Variants in RAI1 observed in about 807,000 individuals in gnomAD.
RAI1 encodes the protein retinoic acid-induced protein 1.
RAI1 carries 9 observed loss-of-function variants against 123.8 expected under a neutral mutation model. That is an observed-to-expected ratio of 0.07 (90% CI 0.04 to 0.13). RAI1 has a LOEUF of 0.13. RAI1 is among the 10% of genes least tolerant of loss of function. The probability of loss-of-function intolerance (pLI) is 1.00; values close to 1 mark genes in which losing one functional copy is unlikely to be tolerated. For missense variants in RAI1, 2,256 were observed against 2,545.8 expected (o/e 0.89, Z 2.45); for synonymous variants, 1,231 against 1,127.3 (o/e 1.09, Z -1.84).
At position 17,796,021 on chromosome 17, in the gene RAI1, T is replaced by C; in HGVS notation, c.3073T>C (p.Leu1025=). 3 of 1,593,586 alleles carry C rather than the reference T, an allele frequency of 1.9e-6. No individual in the cohort carries two copies. The highest frequency in any genetic ancestry group is 2.3e-5 in the South Asian group (2 of 88,694). The change falls in exon 3 of 6, where the codon TTG becomes CTG. Residue 1025 remains leucine (L), a synonymous_variant. Coordinates refer to ENST00000353383, the MANE Select transcript of RAI1 (RefSeq NM_030665.4). This position sits in a 1 kb window ranked among gnomAD's most constrained non-coding sequence, Gnocchi z 5.8. ...CRAPVLPKDL[L]LPESCTGPPQ... is the part of the protein sequence containing the mutation. ...GGCACCAGTGCTGCCCAAAGACCTC[T>C]TGCTCCCTGAATCCTGCACAGGGCC...
chr17:17,779,808 G>A (rs1310058714), intron 2 of RAI1, among the ~76,000 whole-genome samples: 3 of 120,378 alleles, frequency 2.5e-5, no homozygotes, highest in South Asian at 2.7e-4. Flanking sequence ...ACGGAGTCTC[G>A]CCCTTGCCCA....
In RAI1 at chr17:17,795,512, T is replaced by C. The variant is rs1295827030; in HGVS notation, c.2564T>C (p.Leu855Pro). The C allele has an allele frequency of 6.3e-7, 1 of 1,592,992 alleles. No individual in the cohort carries two copies. The highest frequency in any genetic ancestry group is 8.5e-7 in the Non-Finnish European group (1 of 1,169,904). The change falls in exon 3 of 6, where the codon CTG (leucine) becomes CCG (proline). Residue 855 changes from leucine (L) to proline (P), a missense_variant. Leu to Pro is a moderately conservative substitution (Grantham distance 98). Transcript: ENST00000353383. The surrounding 1 kb of genome is among the most constrained non-coding windows in gnomAD (Gnocchi z 5.9). Reference sequence around the variant, plus strand: ...ACCGCCGACTTCGGGGACCTCCCACTGCTGCCACCCACCAGCAGGAAGGAG... The same window carrying C: ...ACCGCCGACTTCGGGGACCTCCCACCGCTGCCACCCACCAGCAGGAAGGAG... ...CSTADFGDLP[L>P]LPPTSRKEDL...
Position 17,795,986 on chromosome 17 carries a change from C to T in RAI1, c.3038C>T (p.Ser1013Phe), listed in dbSNP as rs2143002493. ...CGGGGGCTGCCCGAGGCCGAGGACTCCCCATGCAGGGCACCAGTGCTGCCC... is the reference window on the plus strand; with the variant it reads ...CGGGGGCTGCCCGAGGCCGAGGACTTCCCATGCAGGGCACCAGTGCTGCCC... ...VHRGLPEAED[S>F]PCRAPVLPKD... The change falls in exon 3 of 6, where the codon TCC (serine) becomes TTC (phenylalanine). Residue 1013 changes from serine (S) to phenylalanine (F), a missense_variant. Coordinates refer to ENST00000353383, the MANE Select transcript of RAI1 (RefSeq NM_030665.4). The surrounding 1 kb of genome is among the most constrained non-coding windows in gnomAD (Gnocchi z 5.9). 6.2e-7 allele frequency: 1 copy of T among 1,600,268 alleles called. No homozygotes were observed. Among genetic ancestry groups the T allele is most frequent in the East Asian group, 2.3e-5 (1 of 44,406 alleles).
Position 17,797,195 on chromosome 17 carries a change from A to G in RAI1, c.4247A>G (p.Lys1416Arg). The G allele has an allele frequency of 6.2e-7, 1 of 1,613,894 alleles. No homozygotes were observed. Among genetic ancestry groups the G allele is most frequent in the African/African-American group, 1.3e-5 (1 of 75,060 alleles). Reference sequence around the variant, plus strand: ...TTAAAAGGCAAACTCATGAACAGTAAGAAACTGTCTTCTACTGACTGTTTC... The same window carrying G: ...TTAAAAGGCAAACTCATGAACAGTAGGAAACTGTCTTCTACTGACTGTTTC... ...RSLKGKLMNS[K>R]KLSSTDCFKT... Residue 1416 changes from lysine (K) to arginine (R), a missense_variant, in exon 3 of 6, where the codon AAG becomes AGG. Coordinates refer to ENST00000353383, the MANE Select transcript of RAI1 (RefSeq NM_030665.4).
Position 17,800,180 on chromosome 17 carries a change from G to GTCTCTCTCTCTCTC in RAI1, c.5565+1702_5565+1715dup, listed in dbSNP as rs58147049. 1.7e-3 allele frequency among the ~76,000 whole-genome samples: 198 copies of GTCTCTCTCTCTCTC among 116,296 alleles called. 3 individuals carry two copies. The highest frequency in any genetic ancestry group is 3.3e-3 in the African/African-American group (110 of 33,398). 76.3% of individuals were successfully genotyped at this position (116,296 alleles called of 152,430 possible). On this transcript the variant is annotated intron_variant, in intron 3 of 5. Coordinates refer to ENST00000353383, the MANE Select transcript of RAI1 (RefSeq NM_030665.4). This position sits in a 1 kb window ranked among gnomAD's most constrained non-coding sequence, Gnocchi z 4.7. ...TCTCTCCTGCTTTCTGTCTCTCTCT[G>GTCTCTCTCTCTCTC]TCTCTCTCTCTCTCTCTCTCTCTCT...
chr17:17,709,665 G>T (rs1426956027), intron 1 of RAI1, among the ~76,000 whole-genome samples: 1 of 152,166 alleles, frequency 6.6e-6, no homozygotes, highest in Non-Finnish European at 1.5e-5. Flanking sequence ...CTGGGCCAAG[G>T]AGCTGCTGGG....
intron 2 of RAI1, among the ~76,000 whole-genome samples, chr17:17,747,910 A>G (rs2029989742): frequency 6.6e-6 from 1 of 152,182 alleles, no homozygotes; most frequent in East Asian, 1.9e-4. Flanking sequence ...CAAAAAATTT[A>G]AAAAATTAGC....
Position 17,809,357 on chromosome 17 carries a change from G to C in RAI1, c.5660-33G>C. On this transcript the variant is annotated intron_variant, in intron 4 of 5. Transcript: ENST00000353383. This position sits in a 1 kb window ranked among gnomAD's most constrained non-coding sequence, Gnocchi z 4.9. ...CCCACAGCTGTGGGGCCCCCACCCT[G>C]TCCTAACCACCGAAACTTCTCTTTG... 3 of 1,583,614 alleles carry C rather than the reference G, an allele frequency of 1.9e-6. No individual in the cohort carries two copies. The highest frequency in any genetic ancestry group is 2.6e-6 in the Non-Finnish European group (3 of 1,152,470).
In RAI1 at chr17:17,697,773, G is replaced by A. The variant is rs566501526; in HGVS notation, c.-149+15980G>A. Among the ~76,000 whole-genome samples the A allele has an allele frequency of 7.2e-5, 11 of 152,318 alleles. No homozygotes were observed. In the East Asian group the frequency reaches 1.9e-3, roughly 27 times the overall value. ...CTGGGACCAACGTGTGGTTGTGTGT[G>A]TGTCTGATTTGGGGAAATGAGCTGA... On this transcript the variant is annotated intron_variant, in intron 1 of 5. Transcript: ENST00000353383.
At chr17:17,782,629 G>A (rs1366991175) in intron 2 of RAI1, among the ~76,000 whole-genome samples, 2 of 150,486 alleles carry the variant, frequency 1.3e-5, no homozygotes, top group South Asian at 2.1e-4. Context: ...GGGGGGTTGG[G>A]GGGGCGACGA....
At chr17:17,728,739 C>T (rs1436577775) in intron 2 of RAI1, among the ~76,000 whole-genome samples, 1 of 152,226 alleles carries the variant, frequency 6.6e-6, no homozygotes, top group Non-Finnish European at 1.5e-5. Flanking sequence ...TCCTGCAAGT[C>T]AGCGCTTGTG....
Position 17,681,529 on chromosome 17 carries a change from C to G in RAI1, c.-413C>G, listed in dbSNP as rs1482080383. On this transcript the variant is annotated 5_prime_UTR_variant, in exon 1 of 6. Transcript: ENST00000353383. ...CGCGGCCAAGGCCCGCTCCCCGCGTCCCCGGGCGCCGCCCCCGCCCGCGGC... is the reference window on the plus strand; with the variant it reads ...CGCGGCCAAGGCCCGCTCCCCGCGTGCCCGGGCGCCGCCCCCGCCCGCGGC... The G allele has an allele frequency of 1.7e-5, 3 of 176,562 alleles. No homozygotes were observed. 10.9% of individuals were successfully genotyped at this position (176,562 alleles called of 1,614,324 possible). A position where few individuals can be genotyped will look rare whatever the true frequency, so the allele number is the denominator to read the frequency against.
intron 2 of RAI1, among the ~76,000 whole-genome samples, chr17:17,752,981 G>A (rs1158249111): frequency 6.6e-6 from 1 of 152,250 alleles, no homozygotes; most frequent in East Asian, 1.9e-4. Context: ...GTTGCCTGAG[G>A]CTTCCTTGGT....
chr17:17,716,518 G>A (rs1915718870), intron 1 of RAI1, among the ~76,000 whole-genome samples: 1 of 152,246 alleles, frequency 6.6e-6, no homozygotes, highest in African/African-American at 2.4e-5. Flanking sequence ...AGCCTGAGGG[G>A]GGGACAGGGT....
At chr17:17,750,425 A>T (rs986815292) in intron 2 of RAI1, among the ~76,000 whole-genome samples, 1 of 152,206 alleles carries the variant, frequency 6.6e-6, no homozygotes, top group Non-Finnish European at 1.5e-5. Context: ...GAAAATACCC[A>T]TTAGAAACAT....
intron 1 of RAI1, among the ~76,000 whole-genome samples, chr17:17,721,283 C>T (rs1242163897): frequency 6.6e-6 from 1 of 152,226 alleles, no homozygotes; most frequent in Non-Finnish European, 1.5e-5. Flanking sequence ...CATGCATTCA[C>T]TCACTCATTC....
chr17:17,804,814 A>G (rs891588200), intron 4 of RAI1, among the ~76,000 whole-genome samples: 1 of 152,094 alleles, frequency 6.6e-6, no homozygotes, highest in African/African-American at 2.4e-5. Flanking sequence ...GTGCGCAGCC[A>G]TGCTGGCTCC....
chr17:17,699,837 C>T (rs1178158137), intron 1 of RAI1, among the ~76,000 whole-genome samples: 2 of 152,220 alleles, frequency 1.3e-5, no homozygotes, highest in Non-Finnish European at 2.9e-5. Flanking sequence ...CCACCCTGTG[C>T]CTCTCCTGGT....
intron 2 of RAI1, among the ~76,000 whole-genome samples, chr17:17,779,771 C>CTTT (rs35262127): frequency 6.5e-5 from 7 of 107,960 alleles, no homozygotes; most frequent in African/African-American, 2.3e-4. Flanking sequence ...CCTCCCCACC[C>CTTT]TTTTTTTTTT....
Sources: allele counts gnomAD v4.1 joint callset (sites outside exome capture counted in the v4.1 genomes callset), GRCh38; gene constraint gnomAD v4.1.1; non-coding constraint Gnocchi (gnomAD v3.1); transcripts MANE v1.5; gene names NCBI Gene and HGNC (gene_info 2026-07-23, HGNC 2026-07-21).